Variants in NECTIN1 observed in about 807,000 individuals in gnomAD.
The protein encoded by NECTIN1 is nectin cell adhesion molecule 1.
In NECTIN1, 23 loss-of-function variants were observed where a neutral mutation model predicts 48.0. The observed-to-expected ratio is 0.48, with a 90% CI of 0.34 to 0.68. The LOEUF (loss-of-function observed/expected upper bound fraction) is 0.68, where lower values mean the gene tolerates loss of function less well. Ranked by LOEUF, NECTIN1 falls within the 30% of genes least tolerant of loss-of-function variation. The pLI is 0.01. For missense variants in NECTIN1, 591 were observed against 709.9 expected (o/e 0.83, Z 1.90); for synonymous variants, 270 against 288.9 (o/e 0.93, Z 0.66).
At chr11:119,704,982 C>T (rs750939081) in intron 1 of NECTIN1, among the ~76,000 whole-genome samples, 3 of 152,150 alleles carry the variant, frequency 2.0e-5, no homozygotes, top group Non-Finnish European at 4.4e-5. Flanking sequence ...AAATGTAAAC[C>T]AGGGTGATAG....
At chr11:119,645,084 C>T (rs544027658) in intron 5 of NECTIN1, among the ~76,000 whole-genome samples, 3 of 118,346 alleles carry the variant, frequency 2.5e-5, no homozygotes, top group East Asian at 5.3e-4. Flanking sequence ...CTGCCCTCTG[C>T]TTGTCTCCTC....
At chr11:119,682,464 G>C (rs1240999426) in intron 1 of NECTIN1, among the ~76,000 whole-genome samples, 1 of 152,182 alleles carries the variant, frequency 6.6e-6, no homozygotes, top group African/African-American at 2.4e-5. Context: ...ACCTTCTGAA[G>C]GGCTGTTCCG....
chr11:119,708,498 A>C (rs1368885210), intron 1 of NECTIN1, among the ~76,000 whole-genome samples: 1 of 152,060 alleles, frequency 6.6e-6, no homozygotes, highest in Non-Finnish European at 1.5e-5. Context: ...ATGGAATGCT[A>C]AGTAGAAGAT....
chr11:119,728,918 C>T lies in NECTIN1; in HGVS notation c.-365G>A, dbSNP rs1161932574. 5.2e-6 allele frequency: 1 copy of T among 194,068 alleles called. No homozygotes were observed. Among genetic ancestry groups the T allele is most frequent in the East Asian group, 1.2e-4 (1 of 8,528 alleles). The allele number at this position is 194,068 out of a possible 1,614,324, so 12.0% of individuals were successfully genotyped here. On this transcript the variant is annotated 5_prime_UTR_variant, in exon 1 of 6. Coordinates refer to ENST00000264025, the MANE Select transcript of NECTIN1 (RefSeq NM_002855.5). Reference sequence around the variant, plus strand: ...GCTGCCCGGTTGCGCGGCGCGGGCTCCTGGCCCCGGCCCGCTCACACCCTC... The same window carrying T: ...GCTGCCCGGTTGCGCGGCGCGGGCTTCTGGCCCCGGCCCGCTCACACCCTC...
In NECTIN1 at chr11:119,696,835, C is replaced by T. The variant is rs534297305; in HGVS notation, c.80-18070G>A. On this transcript the variant is annotated intron_variant, in intron 1 of 5. Coordinates refer to ENST00000264025, the MANE Select transcript of NECTIN1 (RefSeq NM_002855.5). ...GCAGGCGGCATAGGGGCGGATGGGG[C>T]GAGGCTGGAAGGCATCTTGCCACAT... 4.6e-5 allele frequency among the ~76,000 whole-genome samples: 7 copies of T among 152,246 alleles called. No individual in the cohort carries two copies. In the South Asian group the frequency reaches 8.3e-4, roughly 18 times the overall value.
intron 1 of NECTIN1, among the ~76,000 whole-genome samples, chr11:119,705,808 G>C (rs894628242): frequency 2.6e-5 from 4 of 152,230 alleles, no homozygotes; most frequent in African/African-American, 7.2e-5. Flanking sequence ...TGCAGAGCTG[G>C]GGAGGGAGCC....
intron 1 of NECTIN1, among the ~76,000 whole-genome samples, chr11:119,712,346 C>A (rs901638479): frequency 6.6e-6 from 1 of 151,542 alleles, no homozygotes; most frequent in Non-Finnish European, 1.5e-5. Flanking sequence ...TCCCCTCCCC[C>A]AGTTCAGGCC....
intron 4 of NECTIN1, among the ~76,000 whole-genome samples, chr11:119,676,481 C>G (rs1030286686): frequency 5.9e-5 from 9 of 152,254 alleles, no homozygotes; most frequent in Non-Finnish European, 8.8e-5. Flanking sequence ...TTCCCCACGT[C>G]CCTGTCTTTC....
chr11:119,674,716 C>T, intron 5 of NECTIN1: 1 of 1,614,066 alleles, frequency 6.2e-7, no homozygotes, highest in South Asian at 1.1e-5. Flanking sequence ...CGCTTTCTCT[C>T]CAGTCTCCCT....
At chr11:119,699,489 C>T (rs1476101727) in intron 1 of NECTIN1, among the ~76,000 whole-genome samples, 2 of 80 alleles carry the variant, frequency 0.025, no homozygotes, top group African/African-American at 0.056. Context: ...AGCAGAGGCC[C>T]CTGTCCCCAG....
At chr11:119,667,315 T>C (rs1360052230) in intron 5 of NECTIN1, among the ~76,000 whole-genome samples, 1 of 152,126 alleles carries the variant, frequency 6.6e-6, no homozygotes, top group African/African-American at 2.4e-5. Flanking sequence ...CAGATCTGAA[T>C]GATCTCTCCT....
chr11:119,680,011 C>T (rs1865030584), intron 1 of NECTIN1, among the ~76,000 whole-genome samples: 1 of 152,242 alleles, frequency 6.6e-6, no homozygotes, highest in Non-Finnish European at 1.5e-5. Flanking sequence ...TCCTTTCCAT[C>T]TCTGTATCCC....
rs942210771 is a variant in NECTIN1, at chr11:119,639,732, T to A, written c.1151+133A>T. ...CTCTTCCTGCCAAAGGGTTAGTTCC[T>A]GGTCCCCCAGGGTGGGGAGGCCCTA... On this transcript the variant is annotated intron_variant, in intron 6 of 7. Coordinates refer to the NECTIN1 transcript ENST00000341398. 26 of 1,209,874 alleles carry A rather than the reference T, an allele frequency of 2.1e-5. 1 individual carries two copies. Among genetic ancestry groups the A allele is most frequent in the Non-Finnish European group, 4.7e-6 (4 of 843,884 alleles). 74.9% of individuals were successfully genotyped at this position (1,209,874 alleles called of 1,614,324 possible).
rs79306256 is a variant in NECTIN1, at chr11:119,662,014, A to G, written c.*2733T>C. On this transcript the variant is annotated 3_prime_UTR_variant, in exon 6 of 6. Transcript: ENST00000264025. This position sits in a 1 kb window ranked among gnomAD's most constrained non-coding sequence, Gnocchi z 5.3. ...GGGGACTCGGCTGGTTCTATTACAC[A>G]TTAGAACAATATCAAAATCTGTAAG... is the stretch of plus-strand genomic sequence containing the variant. 5.3e-3 allele frequency: 5,242 copies of G among 985,194 alleles called. 15 individuals are homozygous for G. The highest frequency in any genetic ancestry group is 6.0e-3 in the Non-Finnish European group (4,969 of 829,874). The allele number at this position is 985,194 out of a possible 1,614,324, so 61.0% of individuals were successfully genotyped here. A position where few individuals can be genotyped will look rare whatever the true frequency, so the allele number is the denominator to read the frequency against.
intron 5 of NECTIN1, chr11:119,674,675 C>T (rs1179158513): frequency 6.2e-7 from 1 of 1,614,230 alleles, no homozygotes; most frequent in Admixed American, 1.7e-5. Flanking sequence ...TTGCAGGGCA[C>T]ACAAAGCACT....
At chr11:119,674,513 G>T in intron 5 of NECTIN1, 1 of 1,607,648 alleles carries the variant, frequency 6.2e-7, no homozygotes, top group South Asian at 1.1e-5. Flanking sequence ...TTTACAGATG[G>T]TGGGGGGGGC....
downstream of NECTIN1, among the ~76,000 whole-genome samples, chr11:119,659,588 T>C (rs920966909): frequency 2.0e-5 from 3 of 151,970 alleles, no homozygotes; most frequent in Admixed American, 2.0e-4. Context: ...AGACTAAGAG[T>C]ATGCCCTTGG....
intron 6 of NECTIN1, chr11:119,639,751 G>T: frequency 7.2e-7 from 1 of 1,388,244 alleles, no homozygotes. Context: ...AGGGTGGGGA[G>T]GCCCTAGAAA....
chr11:119,696,250 TA>T (rs1288912790), intron 1 of NECTIN1, among the ~76,000 whole-genome samples: 1 of 152,168 alleles, frequency 6.6e-6, no homozygotes, highest in African/African-American at 2.4e-5. Flanking sequence ...AGCCCAAAGG[TA>T]AAAGTCTGTC....
Sources: gnomAD v4.1 joint callset for allele counts (sites outside exome capture counted in the v4.1 genomes callset) on GRCh38, gnomAD v4.1.1 for gene constraint, Gnocchi (gnomAD v3.1) non-coding constraint, MANE v1.5 for transcripts, NCBI Gene and HGNC (gene_info 2026-07-23, HGNC 2026-07-21) for gene names.